Variants in TBC1D30 observed in about 807,000 individuals in gnomAD.
TBC1D30 encodes TBC1 domain family member 30, also known as TBC1 domain family, member 30.
In TBC1D30, 31 loss-of-function variants were observed where a neutral mutation model predicts 63.2. That is an observed-to-expected ratio of 0.49 (90% CI 0.37 to 0.66). TBC1D30 has a LOEUF of 0.66. Among genes scored for constraint, TBC1D30 ranks in the 30% least tolerant of loss-of-function variants. The pLI, the probability that TBC1D30 is intolerant of heterozygous loss-of-function variation, is 0.00. For missense variants in TBC1D30, 810 were observed against 953.6 expected (o/e 0.85, Z 1.98); for synonymous variants, 307 against 361.5 (o/e 0.85, Z 1.71).
rs773499221 is a variant in TBC1D30, at chr12:64,838,718, A to G, written c.799A>G (p.Met267Val). Residue 267 changes from methionine (M) to valine (V), a missense_variant, in exon 7 of 12, where the codon ATG becomes GTG. By Grantham distance (21) the Met-to-Val change is conservative. Coordinates refer to ENST00000539867, the MANE Select transcript of TBC1D30 (RefSeq NM_015279.2). ...YEPPLTNVFT[M>V]QWFLTLFATC... ...GCCCCCACTTACAAATGTCTTCACG[A>G]TGCAGTGGTTTCTGACTCTCTTTGC... 1.3e-5 allele frequency: 20 copies of G among 1,536,492 alleles called. No individual in the cohort carries two copies. In the Admixed American group the frequency reaches 2.4e-4, roughly 18 times the overall value.
At chr12:64,869,696 T>A (rs2136473101) in intron 10 of TBC1D30, among the ~76,000 whole-genome samples, 1 of 152,312 alleles carries the variant, frequency 6.6e-6, no homozygotes, top group South Asian at 2.1e-4. Flanking sequence ...CTAAATTTCA[T>A]CATTAGTCTT....
intron 8 of TBC1D30, among the ~76,000 whole-genome samples, chr12:64,859,080 G>T (rs1464733941): frequency 1.3e-5 from 2 of 151,568 alleles, no homozygotes; most frequent in African/African-American, 2.4e-5. Context: ...ATATGCGAGG[G>T]TGTTGTGTGT....
chr12:64,834,488 CCT>C (rs1875150631), intron 5 of TBC1D30, among the ~76,000 whole-genome samples: 1 of 148,726 alleles, frequency 6.7e-6, no homozygotes, highest in Non-Finnish European at 1.5e-5. Flanking sequence ...CTCACTGCAA[CCT>C]CCACCTTCCA....
At chr12:64,866,461 A>C (rs2136463525) in intron 9 of TBC1D30, among the ~76,000 whole-genome samples, 1 of 151,340 alleles carries the variant, frequency 6.6e-6, no homozygotes, top group African/African-American at 2.4e-5. Flanking sequence ...TTTGAGACGG[A>C]GTCTTGCTCT....
chr12:64,825,709 C>T (rs569989666), intron 1 of TBC1D30: 19 of 152,496 alleles, frequency 1.2e-4, no homozygotes, highest in African/African-American at 1.2e-4. Flanking sequence ...GGCTCCATCA[C>T]CCGGCATCCC....
chr12:64,765,846 A>AC (rs1239664656), intron 1 of TBC1D30, among the ~76,000 whole-genome samples: 1 of 150,952 alleles, frequency 6.6e-6, no homozygotes, highest in African/African-American at 2.4e-5. Flanking sequence ...AAAAAAAAAA[A>AC]AATACAATAC....
intron 1 of TBC1D30, among the ~76,000 whole-genome samples, chr12:64,760,323 A>G (rs1227958101): frequency 6.6e-6 from 1 of 152,018 alleles, no homozygotes; most frequent in African/African-American, 2.4e-5. Context: ...TAATCCCAGC[A>G]CTTTGGGAGG....
Position 64,875,587 on chromosome 12 carries a change from C to A in TBC1D30, c.2085C>A (p.Thr695=). The A allele has an allele frequency of 4.6e-6, 7 of 1,536,162 alleles. No homozygotes were observed. Among genetic ancestry groups the A allele is most frequent in the Non-Finnish European group, 6.1e-6 (7 of 1,146,916 alleles). The change falls in exon 12 of 12, where the codon ACC becomes ACA. Residue 695 remains threonine, a synonymous_variant. Transcript: ENST00000539867. ...PPSAPEENKA[T]SKAPQGSNSK... is the part of the protein sequence containing the mutation. ...GTGCACCCGAAGAAAACAAAGCCAC[C>A]AGCAAAGCTCCCCAAGGCAGCAACT...
chr12:64,875,453 G>C lies in TBC1D30; in HGVS notation c.1951G>C (p.Ala651Pro). 1 of 1,536,216 alleles carries C rather than the reference G, an allele frequency of 6.5e-7. No individual in the cohort carries two copies. Among genetic ancestry groups the C allele is most frequent in the Non-Finnish European group, 8.7e-7 (1 of 1,146,926 alleles). The stretch of plus-strand genomic sequence containing the variant: ...CGGAGATGCTGATGTGGATGTGTCT[G>C]CAGTTCAGGCGAAGTTGGGAGCCCT... ...VFGDADVDVS[A>P]VQAKLGALEL... is the part of the protein sequence containing the mutation. The change falls in exon 12 of 12, where the codon GCA becomes CCA. Residue 651 changes from alanine to proline, a missense_variant. By Grantham distance (27) the Ala-to-Pro change is conservative. Transcript: ENST00000539867.
At position 64,875,846 on chromosome 12, in the gene TBC1D30, G is replaced by A. The variant is rs973725556; in HGVS notation, c.*58G>A. The A allele has an allele frequency of 1.8e-5, 26 of 1,429,630 alleles. No homozygotes were observed. Among genetic ancestry groups the A allele is most frequent in the Non-Finnish European group, 2.4e-5 (26 of 1,086,406 alleles). The allele number at this position is 1,429,630 out of a possible 1,614,324, so 88.6% of individuals were successfully genotyped here. On this transcript the variant is annotated 3_prime_UTR_variant, in exon 12 of 12. Transcript: ENST00000539867. ...TTTTCACAGTAGTATAAGGGTTGCA[G>A]CTGAATGGCTCTAAAAGAGTTTTAT...
chr12:64,763,659 A>G (rs1221865466), intron 1 of TBC1D30, among the ~76,000 whole-genome samples: 2 of 148,800 alleles, frequency 1.3e-5, no homozygotes, highest in Admixed American at 6.7e-5. Context: ...ACCAGGCTAG[A>G]GTGCAGTGGC....
chr12:64,787,602 C>T lies in TBC1D30; in HGVS notation c.643+1557C>T, dbSNP rs1054742507. Among the ~76,000 whole-genome samples, 93 of 152,028 alleles carry T rather than the reference C, an allele frequency of 6.1e-4. 2 individuals are homozygous for T. Among genetic ancestry groups the T allele is most frequent in the South Asian group, 2.1e-4 (1 of 4,812 alleles). Reference sequence around the variant, plus strand: ...ATTAGTTTCTGGTAATGAAATTAATCGCTTAAATTTCATTCTTATGTTTAT... The same window carrying T: ...ATTAGTTTCTGGTAATGAAATTAATTGCTTAAATTTCATTCTTATGTTTAT... On this transcript the variant is annotated intron_variant, in intron 2 of 12. Transcript: ENST00000542120.
intron 2 of TBC1D30, among the ~76,000 whole-genome samples, chr12:64,814,648 ACT>A (rs1873416952): frequency 6.6e-6 from 1 of 152,054 alleles, no homozygotes; most frequent in African/African-American, 2.4e-5. Context: ...GCCAAGTGAC[ACT>A]CTGTTGTAAG....
At chr12:64,839,755 C>A (rs1875683528) in intron 7 of TBC1D30, among the ~76,000 whole-genome samples, 1 of 152,038 alleles carries the variant, frequency 6.6e-6, no homozygotes, top group Non-Finnish European at 1.5e-5. Context: ...GCCTATAATC[C>A]CAGCACTTTG....
At chr12:64,851,057 T>G (rs1471601188) in intron 8 of TBC1D30, among the ~76,000 whole-genome samples, 2 of 152,214 alleles carry the variant, frequency 1.3e-5, no homozygotes, top group African/African-American at 4.8e-5. Flanking sequence ...TTTATTTGCC[T>G]AGGGGTGTTT....
At chr12:64,781,864 G>T (rs1317136688) in intron 1 of TBC1D30, among the ~76,000 whole-genome samples, 2 of 151,846 alleles carry the variant, frequency 1.3e-5, no homozygotes, top group African/African-American at 4.8e-5. Flanking sequence ...TTTTGTTGTT[G>T]TTGTTTTGTT....
At chr12:64,789,423 A>T (rs114107542) in intron 2 of TBC1D30, among the ~76,000 whole-genome samples, 1,533 of 152,080 alleles carry the variant, frequency 0.01, 33 homozygotes, top group African/African-American at 0.035. Context: ...GGCTCAAGCA[A>T]TCTGCCCTCC....
At chr12:64,821,601 G>A (rs74099687), upstream of TBC1D30, among the ~76,000 whole-genome samples, 4,055 of 152,218 alleles carry the variant, frequency 0.027, 195 homozygotes, top group African/African-American at 0.092. Context: ...CTTTGACTTC[G>A]GGTGTTCATC....
intron 1 of TBC1D30, among the ~76,000 whole-genome samples, chr12:64,762,884 T>A (rs1870567501): frequency 2.6e-5 from 4 of 152,228 alleles, no homozygotes; most frequent in Admixed American, 2.6e-4. Context: ...ATTATTGGTT[T>A]TATATATATG....
Sources: gnomAD v4.1 joint callset for allele counts (sites outside exome capture counted in the v4.1 genomes callset) on GRCh38, gnomAD v4.1.1 for gene constraint, MANE v1.5 for transcripts, NCBI Gene and HGNC (gene_info 2026-07-23, HGNC 2026-07-21) for gene names.